The following SYNJ2BP variants were observed in gnomAD, a reference collection of about 807,000 sequenced individuals.
SYNJ2BP encodes synaptojanin 2 binding protein.
SYNJ2BP carries 10 observed loss-of-function variants against 16.9 expected under a neutral mutation model. The observed-to-expected ratio is 0.59, with a 90% CI of 0.36 to 1.00. SYNJ2BP has a LOEUF of 1.00. Among genes scored for constraint, SYNJ2BP ranks in the 50% least tolerant of loss-of-function variants. SYNJ2BP has a pLI of 0.01. For synonymous variants in SYNJ2BP, 54 were observed against 68.4 expected (o/e 0.79, Z 1.04); for missense variants, 162 against 186.7 (o/e 0.87, Z 0.77).
At chr14:70,394,850 AT>A (rs1477721729) in intron 1 of SYNJ2BP, among the ~76,000 whole-genome samples, 5 of 152,138 alleles carry the variant, frequency 3.3e-5, no homozygotes, top group African/African-American at 4.8e-5. Flanking sequence ...ACAAGTACTC[AT>A]TTTTCAAAGA....
In SYNJ2BP at chr14:70,366,986, G is replaced by A. The variant is rs935875438; in HGVS notation, c.*6005C>T. 4.6e-5 allele frequency: 7 copies of A among 152,152 alleles called. No individual in the cohort carries two copies. Among genetic ancestry groups the A allele is most frequent in the African/African-American group, 1.7e-4 (7 of 41,422 alleles). The allele number at this position is 152,152 out of a possible 1,614,324, so 9.4% of individuals were successfully genotyped here. ...GAGGAAGGACTAACCCTTTTCCTGG[G>A]ATTAGTAACTAAATTTAATGATTAC... On this transcript the variant is annotated 3_prime_UTR_variant, in exon 4 of 4. Coordinates refer to ENST00000256366, the MANE Select transcript of SYNJ2BP (RefSeq NM_018373.3).
At chr14:70,394,703 CT>C (rs35318213) in intron 1 of SYNJ2BP, among the ~76,000 whole-genome samples, 8,100 of 152,212 alleles carry the variant, frequency 0.053, 285 homozygotes, top group Middle Eastern at 0.11. Flanking sequence ...GAACTCCTGA[CT>C]ATAGGTCTGG....
intron 1 of SYNJ2BP, among the ~76,000 whole-genome samples, chr14:70,399,436 T>C (rs372395044): frequency 2.0e-5 from 3 of 152,244 alleles, no homozygotes; most frequent in Admixed American, 6.5e-5. Context: ...CTCCCTGCAG[T>C]GGCAGCAGGC....
intron 2 of SYNJ2BP, among the ~76,000 whole-genome samples, chr14:70,379,636 G>C (rs1254847789): frequency 6.6e-6 from 1 of 152,180 alleles, no homozygotes. Context: ...TTTCTTGTTA[G>C]ATATGCTGTA....
Position 70,370,925 on chromosome 14 carries a change from A to C in SYNJ2BP, c.*2066T>G, listed in dbSNP as rs1887504807. ...CTGTCCTACCTATGTGGCCAATAAG[A>C]GTGTTGTCTTCGCAGTTGGAACCCA... On this transcript the variant is annotated 3_prime_UTR_variant, in exon 4 of 4. Coordinates refer to ENST00000256366, the MANE Select transcript of SYNJ2BP (RefSeq NM_018373.3). 1 of 152,120 alleles carries C rather than the reference A, an allele frequency of 6.6e-6. No individual in the cohort carries two copies. Among genetic ancestry groups the C allele is most frequent in the African/African-American group, 2.4e-5 (1 of 41,418 alleles). The allele number at this position is 152,120 out of a possible 1,614,324, so 9.4% of individuals were successfully genotyped here. A position where few individuals can be genotyped will look rare whatever the true frequency, so the allele number is the denominator to read the frequency against.
rs1164659803 is a variant in SYNJ2BP, at chr14:70,385,548, A to AT, written c.201+2921dup. ...CCACCATGCCCACCTAATTTTTTGTATTTTTTTTTTTTAGTAGAGACGGGG... is the reference window on the plus strand; with the variant it reads ...CCACCATGCCCACCTAATTTTTTGTATTTTTTTTTTTTTAGTAGAGACGGGG... On this transcript the variant is annotated intron_variant, in intron 2 of 3. Coordinates refer to ENST00000256366, the MANE Select transcript of SYNJ2BP (RefSeq NM_018373.3). Among the ~76,000 whole-genome samples, 1,257 of 141,978 alleles carry AT rather than the reference A, an allele frequency of 8.9e-3. 19 individuals are homozygous for AT. The highest frequency in any genetic ancestry group is 0.029 in the African/African-American group (1,139 of 38,870). 93.1% of individuals were successfully genotyped at this position (141,978 alleles called of 152,430 possible). A position where few individuals can be genotyped will look rare whatever the true frequency, so the allele number is the denominator to read the frequency against.
intron 1 of SYNJ2BP, among the ~76,000 whole-genome samples, chr14:70,413,789 G>C (rs949409343): frequency 6.6e-6 from 1 of 152,152 alleles, no homozygotes; most frequent in Admixed American, 6.5e-5. Context: ...AGGTTCGACT[G>C]CCTTATAATA....
At chr14:70,375,229 T>A (rs1887603115) in intron 3 of SYNJ2BP, among the ~76,000 whole-genome samples, 1 of 146,688 alleles carries the variant, frequency 6.8e-6, no homozygotes. Context: ...TGAGACAGGG[T>A]CTCACTCTCT....
intron 1 of SYNJ2BP, among the ~76,000 whole-genome samples, chr14:70,392,578 T>C (rs1158785590): frequency 1.3e-5 from 2 of 152,246 alleles, no homozygotes; most frequent in Admixed American, 1.3e-4. Flanking sequence ...TAATGGCTGC[T>C]AAAGCTCCAA....
At chr14:70,384,824 C>A (rs533849954) in intron 2 of SYNJ2BP, among the ~76,000 whole-genome samples, 16 of 152,164 alleles carry the variant, frequency 1.1e-4, no homozygotes, top group South Asian at 4.2e-4. Flanking sequence ...TTCCTGGGGC[C>A]TCCCCAGCCA....
chr14:70,374,896 A>T (rs2332366), intron 3 of SYNJ2BP, among the ~76,000 whole-genome samples: 130,515 of 151,800 alleles, frequency 0.86, 56,132 homozygotes, highest in East Asian at 0.92. Context: ...TTAATTAATT[A>T]ATTTATTTAT....
intron 1 of SYNJ2BP, among the ~76,000 whole-genome samples, chr14:70,401,628 A>C (rs891368746): frequency 1.3e-5 from 2 of 151,408 alleles, no homozygotes; most frequent in Non-Finnish European, 1.5e-5. Flanking sequence ...TTTGCTGAGA[A>C]AAATATAAAA....
In SYNJ2BP at chr14:70,370,509, A is replaced by C. The variant is rs893184934; in HGVS notation, c.*2482T>G. Reference sequence around the variant, plus strand: ...GGCACTTTATGTCAGGACTGTTTAAAGCAAGTTTCTCCCTATACCAGTAGT... The same window carrying C: ...GGCACTTTATGTCAGGACTGTTTAACGCAAGTTTCTCCCTATACCAGTAGT... On this transcript the variant is annotated 3_prime_UTR_variant, in exon 4 of 4. Coordinates refer to ENST00000256366, the MANE Select transcript of SYNJ2BP (RefSeq NM_018373.3). The C allele has an allele frequency of 1.2e-4, 18 of 152,230 alleles. No individual in the cohort carries two copies. Among genetic ancestry groups the C allele is most frequent in the Admixed American group, 8.5e-4 (13 of 15,278 alleles). 9.4% of individuals were successfully genotyped at this position (152,230 alleles called of 1,614,324 possible). A position where few individuals can be genotyped will look rare whatever the true frequency, so the allele number is the denominator to read the frequency against.
intron 1 of SYNJ2BP, among the ~76,000 whole-genome samples, chr14:70,401,841 G>C (rs765945479): frequency 2.2e-4 from 34 of 151,932 alleles, no homozygotes; most frequent in Non-Finnish European, 8.8e-5. Context: ...TGTAGAGACA[G>C]GGTCTTGCTA....
chr14:70,388,408 AG>A, intron 2 of SYNJ2BP, 61 bp downstream of exon 2: 1 of 1,414,328 alleles, frequency 7.1e-7, no homozygotes, highest in South Asian at 1.8e-5. Context: ...AGGGATAGGG[AG>A]GGGTAGGACC....
chr14:70,416,999 C>G lies in SYNJ2BP; in HGVS notation c.-36G>C, dbSNP rs755755926. On this transcript the variant is annotated 5_prime_UTR_variant, in exon 1 of 4. Coordinates refer to ENST00000256366, the MANE Select transcript of SYNJ2BP (RefSeq NM_018373.3). ...TCGTCTGGCTTCCTACTTGGGTCAGCTGGAGTGCAGCACAGGTGAAGGTGA... is the reference window on the plus strand; with the variant it reads ...TCGTCTGGCTTCCTACTTGGGTCAGGTGGAGTGCAGCACAGGTGAAGGTGA... 1.9e-6 allele frequency: 3 copies of G among 1,614,082 alleles called. No homozygotes were observed. The highest frequency in any genetic ancestry group is 1.7e-6 in the Non-Finnish European group (2 of 1,179,990).
intron 1 of SYNJ2BP, among the ~76,000 whole-genome samples, chr14:70,395,836 A>G (rs570260787): frequency 6.6e-6 from 1 of 152,272 alleles, no homozygotes; most frequent in African/African-American, 2.4e-5. Flanking sequence ...CTTTCTGTCT[A>G]TATTAATTTG....
rs1887425291 is a variant in SYNJ2BP, at chr14:70,367,773, TC to T, written c.*5217del. 6.6e-6 allele frequency: 1 copy of T among 152,056 alleles called. No homozygotes were observed. The highest frequency in any genetic ancestry group is 6.6e-5 in the Admixed American group (1 of 15,264). The allele number at this position is 152,056 out of a possible 1,614,324, so 9.4% of individuals were successfully genotyped here. A position where few individuals can be genotyped will look rare whatever the true frequency, so the allele number is the denominator to read the frequency against. ...TATTACAGGTGAGAGGTAGACAGCT[TC>T]ATAACTCAATCTTCTACTACCAGGT... On this transcript the variant is annotated 3_prime_UTR_variant, in exon 4 of 4. Coordinates refer to ENST00000256366, the MANE Select transcript of SYNJ2BP (RefSeq NM_018373.3).
chr14:70,405,152 T>C (rs1888320479), intron 1 of SYNJ2BP, among the ~76,000 whole-genome samples: 1 of 151,400 alleles, frequency 6.6e-6, no homozygotes, highest in South Asian at 2.1e-4. Context: ...AATCAATCAA[T>C]GATAGGAAAG....
Sources: allele counts gnomAD v4.1 joint callset (sites outside exome capture counted in the v4.1 genomes callset), GRCh38; gene constraint gnomAD v4.1.1; transcripts MANE v1.5; gene names NCBI Gene and HGNC (gene_info 2026-07-23, HGNC 2026-07-21).